The following UBIAD1 variants were observed in gnomAD, a reference collection of about 807,000 sequenced individuals.
UBIAD1 encodes the protein UbiA prenyltransferase domain containing 1, also known as ubiA prenyltransferase domain-containing protein 1.
UBIAD1 carries 12 observed loss-of-function variants against 20.1 expected under a neutral mutation model. That is an observed-to-expected ratio of 0.60 (90% confidence interval 0.38 to 0.97). UBIAD1 has a LOEUF of 0.97. UBIAD1 is among the 50% of genes least tolerant of loss of function. UBIAD1 has a pLI of 0.00. For missense variants in UBIAD1, 333 were observed against 419.5 expected, an observed-to-expected ratio of 0.79 and a Z score of 1.80; for synonymous variants, 207 against 189.2, an observed-to-expected ratio of 1.09 and a Z score of -0.77.
rs547063447 is a variant in UBIAD1 at position 11,285,155 on chromosome 1, C to T, written c.530-489C>T. ...CGAAATTTCACTGAAATTCACTGGC[C>T]GTTTTTAAAACCAGAAGATGCCTTG... On this transcript the variant is annotated intron_variant, in intron 1 of 1. Coordinates refer to ENST00000376810, the MANE Select transcript of UBIAD1 (RefSeq NM_013319.3). This position sits in a 1 kb window ranked among gnomAD's most constrained non-coding sequence, Gnocchi z 4.4. Among the ~76,000 whole-genome samples, 8 of 152,192 alleles carry T rather than the reference C, an allele frequency of 5.3e-5. No individual in the cohort carries two copies. The highest frequency in any genetic ancestry group is 2.1e-4 in the South Asian group (1 of 4,820).
rs938889517 is a variant in UBIAD1, at chr1:11,274,091, G to A, written c.529+31G>A. 10 of 1,613,376 alleles carry A rather than the reference G, an allele frequency of 6.2e-6. No homozygotes were observed. In the African/African-American group the frequency reaches 1.3e-4, roughly 22 times the overall value. ...ATTTGGCCTGTCCTGTGTGCTGCAG[G>A]TCTTAGTCGCGTCCACTGGAAACCG... On this transcript the variant is annotated intron_variant, in intron 1 of 1. Coordinates refer to ENST00000376810, the MANE Select transcript of UBIAD1 (RefSeq NM_013319.3).
intron 1 of UBIAD1, among the ~76,000 whole-genome samples, chr1:11,282,608 G>T (rs1652277084): frequency 6.8e-6 from 1 of 148,094 alleles, no homozygotes; most frequent in African/African-American, 2.5e-5. Context: ...TTGTTGACCA[G>T]GCTGGAGTAC....
chr1:11,282,578 CA>C (rs749320355), intron 1 of UBIAD1, among the ~76,000 whole-genome samples: 178 of 75,900 alleles, frequency 2.3e-3, no homozygotes, highest in Non-Finnish European at 3.6e-3. Flanking sequence ...TTTTTTTTTT[CA>C]AAAGACAGAG....
rs1039081845 is a variant in UBIAD1, at chr1:11,285,569, G to A, written c.530-75G>A. The A allele has an allele frequency of 1.7e-5, 27 of 1,608,488 alleles. No individual in the cohort carries two copies. The highest frequency in any genetic ancestry group is 2.3e-5 in the Non-Finnish European group (27 of 1,178,612). Reference sequence around the variant, plus strand: ...TACCATTTTCAGCCGGAAGTGGCCTGCCTCTTCACTGGTGAACAGTCCCTA... The same window carrying A: ...TACCATTTTCAGCCGGAAGTGGCCTACCTCTTCACTGGTGAACAGTCCCTA... On this transcript the variant is annotated intron_variant, in intron 1 of 1. Coordinates refer to ENST00000376810, the MANE Select transcript of UBIAD1 (RefSeq NM_013319.3). The surrounding 1 kb of genome is among the most constrained non-coding windows in gnomAD (Gnocchi z 4.4).
Position 11,273,221 on chromosome 1 carries a change from C to T in UBIAD1, c.-311C>T, listed in dbSNP as rs886045057. The T allele has an allele frequency of 2.5e-4, 91 of 362,042 alleles. 1 individual carries two copies. Among genetic ancestry groups the T allele is most frequent in the South Asian group, 2.0e-3 (76 of 38,558 alleles). 22.4% of individuals were successfully genotyped at this position (362,042 alleles called of 1,614,324 possible). A position where few individuals can be genotyped will look rare whatever the true frequency, so the allele number is the denominator to read the frequency against. ...CTGTTTCCGGGCGGGCCTCCAGAGG[C>T]CGGCGCACAAGATGGCGGCTCTGGC... On this transcript the variant is annotated 5_prime_UTR_variant, in exon 1 of 2. Coordinates refer to ENST00000376810, the MANE Select transcript of UBIAD1 (RefSeq NM_013319.3). The surrounding 1 kb of genome is among the most constrained non-coding windows in gnomAD (Gnocchi z 4.9).
At chr1:11,278,926 G>A (rs561310853) in intron 1 of UBIAD1, 23 of 238,016 alleles carry the variant, frequency 9.7e-5, no homozygotes, top group Admixed American at 2.9e-4. Context: ...GCGCAGTGGC[G>A]TGATCTCGGC....
Position 11,282,874 on chromosome 1 carries a change from T to C in UBIAD1, c.530-2770T>C, listed in dbSNP as rs546740767. Among the ~76,000 whole-genome samples the C allele has an allele frequency of 4.6e-5, 7 of 151,376 alleles. No individual in the cohort carries two copies. In the South Asian group the frequency reaches 1.5e-3, roughly 32 times the overall value. On this transcript the variant is annotated intron_variant, in intron 1 of 1. Transcript: ENST00000376810. Reference sequence around the variant, plus strand: ...AGCCACTGTGCCTGGCCTTTTTTTTTCTTGAGACGGAGTTTTGCTCTTGTT... The same window carrying C: ...AGCCACTGTGCCTGGCCTTTTTTTTCCTTGAGACGGAGTTTTGCTCTTGTT...
At chr1:11,282,917 A>G (rs1025177691) in intron 1 of UBIAD1, among the ~76,000 whole-genome samples, 29 of 149,258 alleles carry the variant, frequency 1.9e-4, no homozygotes, top group African/African-American at 5.7e-4. Flanking sequence ...CTGGAGTGCA[A>G]TGGCACGATC....
chr1:11,286,704 TTG>T lies in UBIAD1; in HGVS notation c.*576_*577del, dbSNP rs1638267978. On this transcript the variant is annotated 3_prime_UTR_variant, in exon 2 of 2. Transcript: ENST00000376810. ...TGTGGCTGTCAGCTTTTTGCCTAAATTGTGATTCAGATGCTTTTGTTCTCTCT... is the reference window on the plus strand; with the variant it reads ...TGTGGCTGTCAGCTTTTTGCCTAAATTGATTCAGATGCTTTTGTTCTCTCT... 1 of 159,320 alleles carries T rather than the reference TTG, an allele frequency of 6.3e-6. No individual in the cohort carries two copies. Among genetic ancestry groups the T allele is most frequent in the African/African-American group, 2.4e-5 (1 of 41,460 alleles). 9.9% of individuals were successfully genotyped at this position (159,320 alleles called of 1,614,324 possible).
At chr1:11,278,413 T>A (rs1424074865) in intron 1 of UBIAD1, among the ~76,000 whole-genome samples, 2 of 152,062 alleles carry the variant, frequency 1.3e-5, no homozygotes, top group African/African-American at 4.8e-5. Context: ...GAGAAAAAAA[T>A]TGGGTTGCAT....
chr1:11,291,690 C>T (rs141075552), downstream of UBIAD1, among the ~76,000 whole-genome samples: 48 of 151,640 alleles, frequency 3.2e-4, no homozygotes, highest in Middle Eastern at 3.4e-3. Context: ...TGTGTGCACG[C>T]GTGTGTGTTT....
At chr1:11,275,107 C>T (rs1651965848) in intron 1 of UBIAD1, among the ~76,000 whole-genome samples, 3 of 152,190 alleles carry the variant, frequency 2.0e-5, no homozygotes. Flanking sequence ...TATTGAGCAC[C>T]TATTATGTGC....
chr1:11,295,304 T>G, downstream of UBIAD1: 1 of 202,002 alleles, frequency 5.0e-6, no homozygotes, highest in Non-Finnish European at 1.0e-5. Context: ...GACAGCTCAA[T>G]TCCCCCAGCT....
intron 1 of UBIAD1, among the ~76,000 whole-genome samples, chr1:11,281,860 G>T (rs1028403914): frequency 1.3e-5 from 2 of 152,180 alleles, no homozygotes; most frequent in Non-Finnish European, 2.9e-5. Flanking sequence ...ATTTATTTCA[G>T]TCTGAGCTCT....
chr1:11,285,547 C>G lies in UBIAD1; in HGVS notation c.530-97C>G. ...CCACCTGCACAGTCTAAGGATTTAC[C>G]ATTTTCAGCCGGAAGTGGCCTGCCT... is the stretch of plus-strand genomic sequence containing the variant. On this transcript the variant is annotated intron_variant, in intron 1 of 1. Transcript: ENST00000376810. This position sits in a 1 kb window ranked among gnomAD's most constrained non-coding sequence, Gnocchi z 4.4. The G allele has an allele frequency of 6.3e-7, 1 of 1,584,534 alleles. No individual in the cohort carries two copies.
downstream of UBIAD1, among the ~76,000 whole-genome samples, chr1:11,299,500 G>C (rs899369751): frequency 2.8e-4 from 42 of 152,330 alleles, no homozygotes; most frequent in Non-Finnish European, 4.9e-4. Flanking sequence ...TCTTTTGAAG[G>C]GGGGAGCAAA....
At chr1:11,288,595 G>T (rs1192756475), downstream of UBIAD1, among the ~76,000 whole-genome samples, 1 of 152,140 alleles carries the variant, frequency 6.6e-6, no homozygotes, top group Non-Finnish European at 1.5e-5. Context: ...GGTTTGACCA[G>T]ATTCGACAGG....
chr1:11,275,882 A>T (rs1483467458), intron 1 of UBIAD1, among the ~76,000 whole-genome samples: 1 of 152,136 alleles, frequency 6.6e-6, no homozygotes, highest in Non-Finnish European at 1.5e-5. Flanking sequence ...GTGTCCAAAG[A>T]GCTTACAGAG....
chr1:11,293,816 C>T (rs1234090025), intron 1 of UBIAD1, among the ~76,000 whole-genome samples: 1 of 152,218 alleles, frequency 6.6e-6, no homozygotes, highest in Non-Finnish European at 1.5e-5. Flanking sequence ...GCTGGGATTA[C>T]AGGCACCCAC....
Sources: allele counts gnomAD v4.1 joint callset (sites outside exome capture counted in the v4.1 genomes callset), GRCh38; gene constraint gnomAD v4.1.1; non-coding constraint Gnocchi (gnomAD v3.1); transcripts MANE v1.5; gene names NCBI Gene and HGNC (gene_info 2026-07-23, HGNC 2026-07-21).